SLC43A3: variants seen among roughly 807,000 people sequenced by gnomAD.
The protein encoded by SLC43A3 is equilibrative nucleobase transporter 1.
SLC43A3 carries 33 observed loss-of-function variants against 53.3 expected under a neutral mutation model. The observed-to-expected ratio is 0.62, with a 90% CI of 0.47 to 0.83. The LOEUF is 0.83. Among genes scored for constraint, SLC43A3 ranks in the 40% least tolerant of loss-of-function variants. SLC43A3 has a pLI of 0.00. For synonymous variants in SLC43A3, 236 were observed against 246.2 expected (o/e 0.96, Z 0.39); for missense variants, 530 against 610.0 (o/e 0.87, Z 1.38).
At chr11:57,409,320 G>T in intron 12 of SLC43A3, 22 bp from the exon 13 acceptor site, 1 of 1,613,832 alleles carries the variant, frequency 6.2e-7, no homozygotes, top group South Asian at 1.1e-5. Flanking sequence ...AACCAGAGGG[G>T]TTCCAGTGAG....
chr11:57,421,185 A>T, intron 6 of SLC43A3, 112 bp downstream of exon 6: 1 of 1,226,842 alleles, frequency 8.2e-7, no homozygotes, highest in Non-Finnish European at 1.2e-6. Context: ...TAGAGCTCCC[A>T]CCTCAGCTTG....
chr11:57,424,627 C>G (rs542462468), intron 4 of SLC43A3, among the ~76,000 whole-genome samples: 2 of 150,882 alleles, frequency 1.3e-5, no homozygotes, highest in African/African-American at 4.9e-5. Flanking sequence ...AAAAAAAAAG[C>G]AATATCCTAA....
At chr11:57,413,516 T>A (rs933714537) in intron 11 of SLC43A3, among the ~76,000 whole-genome samples, 1 of 152,208 alleles carries the variant, frequency 6.6e-6, no homozygotes, top group African/African-American at 2.4e-5. Flanking sequence ...AATGATACGA[T>A]GTCTGAGATT....
intron 4 of SLC43A3, among the ~76,000 whole-genome samples, 152 bp downstream of exon 4, chr11:57,425,387 TGG>T (rs1412928898): frequency 1.3e-5 from 2 of 152,132 alleles, no homozygotes; most frequent in African/African-American, 4.8e-5. Context: ...TCCCGCTGCC[TGG>T]GGCTGTTCCT....
intron 4 of SLC43A3, among the ~76,000 whole-genome samples, chr11:57,424,407 G>A (rs1943115672): frequency 6.6e-6 from 1 of 152,234 alleles, no homozygotes; most frequent in African/African-American, 2.4e-5. Flanking sequence ...AGGGGTTAGT[G>A]CCTGGTCTGC....
intron 9 of SLC43A3, 26 bp downstream of exon 9, chr11:57,416,547 G>C (rs1565098148): frequency 6.3e-7 from 1 of 1,585,906 alleles, no homozygotes; most frequent in South Asian, 1.1e-5. Flanking sequence ...GTCTGGAGGA[G>C]AGATGGGTTA....
chr11:57,418,823 G>A (rs1007304941), intron 7 of SLC43A3, among the ~76,000 whole-genome samples: 4 of 151,884 alleles, frequency 2.6e-5, no homozygotes, highest in African/African-American at 9.7e-5. Flanking sequence ...CCGGGAGGCG[G>A]AGGTTGCAGT....
rs199632943 is a variant in SLC43A3 at position 57,425,636 on chromosome 11, G to T, written c.219C>A (p.Ile73=). ...TGTTCATGAAGGACCCCAGGGTGAA[G>T]ATGAGTGAGAACCTCTCATCCTGGG... ...CKAQDERFSL[I]FTLGSFMNNF... Residue 73 remains isoleucine, a synonymous_variant, in exon 4 of 14, where the codon ATC becomes ATA. Coordinates refer to ENST00000395124, the MANE Select transcript of SLC43A3 (RefSeq NM_199329.3). 1.2e-6 allele frequency: 2 copies of T among 1,614,140 alleles called. No homozygotes were observed. The highest frequency in any genetic ancestry group is 4.5e-5 in the East Asian group (2 of 44,886).
intron 11 of SLC43A3, 82 bp downstream of exon 11, chr11:57,414,529 AAAAG>A: frequency 4.3e-6 from 3 of 701,210 alleles, no homozygotes; most frequent in South Asian, 1.7e-5. Context: ...AAAAAAAAAA[AAAAG>A]AGCGAGAGAA....
intron 13 of SLC43A3, chr11:57,408,662 G>A (rs1359841471): frequency 2.6e-5 from 4 of 153,556 alleles, no homozygotes; most frequent in African/African-American, 9.6e-5. Context: ...TAAAAAATGA[G>A]GCAAATAGAG....
At chr11:57,414,761 G>A in intron 10 of SLC43A3, 30 bp from the exon 11 acceptor site, 1 of 1,590,946 alleles carries the variant, frequency 6.3e-7, no homozygotes, top group Non-Finnish European at 8.6e-7. Context: ...GTTGGTTGAT[G>A]AGAAGTTTCC....
At chr11:57,419,572 C>T (rs193268553) in intron 7 of SLC43A3, among the ~76,000 whole-genome samples, 30 of 152,096 alleles carry the variant, frequency 2.0e-4, no homozygotes, top group Middle Eastern at 6.8e-3. Context: ...TCAAGGAAGG[C>T]GGATTACTTG....
At chr11:57,422,159 G>C (rs543854970) in intron 5 of SLC43A3, among the ~76,000 whole-genome samples, 164 of 152,240 alleles carry the variant, frequency 1.1e-3, no homozygotes, top group Non-Finnish European at 1.9e-3. Flanking sequence ...GTTTTAAGTT[G>C]ACTCACTTTT....
At chr11:57,418,706 A>G (rs1215967877) in intron 7 of SLC43A3, among the ~76,000 whole-genome samples, 5 of 152,050 alleles carry the variant, frequency 3.3e-5, no homozygotes, top group Non-Finnish European at 7.4e-5. Context: ...CCTGGCCAAC[A>G]TGGTGAAACC....
chr11:57,413,453 G>T (rs1445448412), intron 11 of SLC43A3, among the ~76,000 whole-genome samples: 1 of 152,136 alleles, frequency 6.6e-6, no homozygotes, highest in Admixed American at 6.5e-5. Context: ...AAGTAAAAGA[G>T]GCCTTATTTG....
At chr11:57,417,931 T>G in intron 7 of SLC43A3, 44 bp from the exon 8 acceptor site, 1 of 1,593,432 alleles carries the variant, frequency 6.3e-7, no homozygotes, top group Non-Finnish European at 8.6e-7. Context: ...CCCACGTTCA[T>G]AGCAGCACTA....
chr11:57,415,425 C>T (rs117635824), intron 9 of SLC43A3: 18,424 of 1,344,072 alleles, frequency 0.014, 171 homozygotes, highest in Non-Finnish European at 0.016. Flanking sequence ...GTGAAAGGAA[C>T]GACAAGGAGA....
intron 6 of SLC43A3, 115 bp downstream of exon 6, chr11:57,421,181 TC>T: frequency 8.2e-7 from 1 of 1,215,502 alleles, no homozygotes; most frequent in Non-Finnish European, 1.2e-6. Flanking sequence ...CCGCTAGAGC[TC>T]CCACCTCAGC....
chr11:57,414,857 T>C, intron 10 of SLC43A3, 76 bp downstream of exon 10: 1 of 1,566,336 alleles, frequency 6.4e-7, no homozygotes, highest in Non-Finnish European at 8.8e-7. Context: ...TCCTCTGGTG[T>C]GTACAGCCCT....
Sources: gnomAD v4.1 joint callset for allele counts (sites outside exome capture counted in the v4.1 genomes callset) on GRCh38, gnomAD v4.1.1 for gene constraint, MANE v1.5 for transcripts, NCBI Gene and HGNC (gene_info 2026-07-23, HGNC 2026-07-21) for gene names.